CFDP1: variants seen among roughly 807,000 people sequenced by gnomAD.
The protein encoded by CFDP1 is heterochromatin-stabilizing protein CFDP1.
A neutral mutation model predicts 40.1 loss-of-function variants in CFDP1; 31 were observed. The ratio of observed to expected loss-of-function variants is 0.77; its 90% CI spans 0.58 to 1.04. The LOEUF (loss-of-function observed/expected upper bound fraction) is 1.04. Among genes scored for constraint, CFDP1 ranks in the 50% least tolerant of loss-of-function variants. CFDP1 has a pLI of 0.00. For missense variants in CFDP1, 423 were observed against 343.4 expected, an observed-to-expected ratio of 1.23 and a Z score of -1.83; for synonymous variants, 167 against 120.0, an observed-to-expected ratio of 1.39 and a Z score of -2.56.
intron 1 of CFDP1, among the ~76,000 whole-genome samples, chr16:75,421,505 G>A (rs1398879860): frequency 6.6e-6 from 1 of 152,102 alleles, no homozygotes; most frequent in Non-Finnish European, 1.5e-5. Context: ...AGACAATGTA[G>A]GCACAAAAGG....
At chr16:75,322,230 G>C (rs543706243) in intron 5 of CFDP1, among the ~76,000 whole-genome samples, 46 of 152,362 alleles carry the variant, frequency 3.0e-4, no homozygotes, top group African/African-American at 1.1e-3. Context: ...TCTGGGCATT[G>C]CTTGTAAAGT....
chr16:75,389,861 G>A (rs768542560), intron 5 of CFDP1, among the ~76,000 whole-genome samples: 7 of 152,220 alleles, frequency 4.6e-5, no homozygotes, highest in South Asian at 2.1e-4. Context: ...TCTTGGACCC[G>A]TCTTTTCCCA....
intron 1 of CFDP1, 79 bp downstream of exon 1, chr16:75,433,210 C>T: frequency 1.4e-6 from 2 of 1,400,030 alleles, no homozygotes; most frequent in African/African-American, 1.4e-5. Context: ...ACAGGGCAGA[C>T]GCCCGCGGGG....
rs192563476 is a variant in CFDP1 at position 75,423,514 on chromosome 16, T to A, written c.65-8819A>T. 2.5e-3 allele frequency among the ~76,000 whole-genome samples: 374 copies of A among 151,874 alleles called. 3 individuals carry two copies. The highest frequency in any genetic ancestry group is 8.8e-3 in the African/African-American group (364 of 41,424). ...CTGGGTTTCACCACGTTGGCGAGGT[T>A]GGTTTTTTTTTGTTTTTTGAGACGG... On this transcript the variant is annotated intron_variant, in intron 1 of 6. Coordinates refer to ENST00000283882, the MANE Select transcript of CFDP1 (RefSeq NM_006324.3).
intron 5 of CFDP1, among the ~76,000 whole-genome samples, chr16:75,320,423 T>C (rs567943632): frequency 1.5e-4 from 22 of 145,014 alleles, no homozygotes; most frequent in African/African-American, 5.1e-4. Context: ...TGCCAACAGA[T>C]TGTTTGAAGG....
intron 5 of CFDP1, among the ~76,000 whole-genome samples, chr16:75,352,960 C>T (rs1243746311): frequency 2.6e-5 from 4 of 152,104 alleles, no homozygotes; most frequent in African/African-American, 9.7e-5. Flanking sequence ...TCCGATAAAA[C>T]TACCAATTTA....
intron 5 of CFDP1, among the ~76,000 whole-genome samples, chr16:75,331,910 G>A (rs866835730): frequency 4.6e-4 from 70 of 152,300 alleles, no homozygotes; most frequent in African/African-American, 1.5e-3. Flanking sequence ...ACTCTCACAC[G>A]TTATAGTCCT....
chr16:75,364,202 C>A (rs950603341), intron 5 of CFDP1, among the ~76,000 whole-genome samples: 4 of 152,000 alleles, frequency 2.6e-5, no homozygotes, highest in African/African-American at 9.7e-5. Context: ...AAAATAAGGG[C>A]TTTATTTAAC....
intron 1 of CFDP1, 61 bp downstream of exon 1, chr16:75,433,228 G>A (rs1166353961): frequency 2.7e-6 from 4 of 1,459,456 alleles, no homozygotes; most frequent in East Asian, 2.4e-5. Flanking sequence ...GGGGCAGAGC[G>A]CGCCTCACGT....
chr16:75,432,027 C>T (rs2151610866), intron 1 of CFDP1, among the ~76,000 whole-genome samples: 1 of 150,734 alleles, frequency 6.6e-6, no homozygotes. Flanking sequence ...TTCTCCTGCT[C>T]CAGCCTCCTG....
At chr16:75,424,482 G>A (rs1043841140) in intron 1 of CFDP1, among the ~76,000 whole-genome samples, 6 of 152,114 alleles carry the variant, frequency 3.9e-5, no homozygotes, top group African/African-American at 9.7e-5. Context: ...GCTGCCAGAC[G>A]CGGTGGCTCA....
intron 1 of CFDP1, among the ~76,000 whole-genome samples, chr16:75,416,722 T>C (rs1444522816): frequency 6.6e-6 from 1 of 151,940 alleles, no homozygotes; most frequent in South Asian, 2.1e-4. Flanking sequence ...CACTCCAGCC[T>C]GGGTAACAGA....
At chr16:75,307,022 A>G (rs781074209) in intron 5 of CFDP1, among the ~76,000 whole-genome samples, 1 of 151,948 alleles carries the variant, frequency 6.6e-6, no homozygotes, top group Non-Finnish European at 1.5e-5. Context: ...TACTGCCCGA[A>G]TTCTCATTCT....
At chr16:75,420,577 T>A (rs964582421) in intron 1 of CFDP1, among the ~76,000 whole-genome samples, 1 of 152,172 alleles carries the variant, frequency 6.6e-6, no homozygotes, top group Admixed American at 6.5e-5. Flanking sequence ...CTGGATAATA[T>A]GTGTAGTATT....
chr16:75,330,359 G>A (rs2078436934), intron 5 of CFDP1, among the ~76,000 whole-genome samples: 1 of 152,238 alleles, frequency 6.6e-6, no homozygotes, highest in Non-Finnish European at 1.5e-5. Flanking sequence ...GGCCAAGGCA[G>A]GTGGATCACT....
intron 4 of CFDP1, among the ~76,000 whole-genome samples, chr16:75,395,420 G>T (rs2078988009): frequency 6.6e-6 from 1 of 152,130 alleles, no homozygotes; most frequent in Admixed American, 6.5e-5. Context: ...CAGCACTTTG[G>T]GAGGCCGAGG....
rs1157910779 is a variant in CFDP1 at position 75,393,162 on chromosome 16, C to A, written c.650+1928G>T. The stretch of plus-strand genomic sequence containing the variant: ...TGGGCACTGGAGGCTAAACATCCCA[C>A]TCTCCTCAGCCCTCACTGTGTTCTT... On this transcript the variant is annotated intron_variant, in intron 5 of 6. Coordinates refer to ENST00000283882, the MANE Select transcript of CFDP1 (RefSeq NM_006324.3). Among the ~76,000 whole-genome samples, 5 of 152,204 alleles carry A rather than the reference C, an allele frequency of 3.3e-5. No individual in the cohort carries two copies. The East Asian group carries it at 9.7e-4, about 29-fold the overall frequency.
intron 5 of CFDP1, among the ~76,000 whole-genome samples, chr16:75,347,663 A>G (rs962111689): frequency 6.6e-6 from 1 of 152,222 alleles, no homozygotes. Context: ...TGGGTGAAAG[A>G]GCGAGACTCC....
At chr16:75,360,186 G>T (rs759467547) in intron 5 of CFDP1, among the ~76,000 whole-genome samples, 1 of 152,128 alleles carries the variant, frequency 6.6e-6, no homozygotes, top group Admixed American at 6.6e-5. Flanking sequence ...GAGCCACTGC[G>T]CCCAGCCCAG....
Sources: gnomAD v4.1 joint callset for allele counts (sites outside exome capture counted in the v4.1 genomes callset) on GRCh38, gnomAD v4.1.1 for gene constraint, MANE v1.5 for transcripts, NCBI Gene and HGNC (gene_info 2026-07-23, HGNC 2026-07-21) for gene names.